Variants in IPPK observed in about 807,000 individuals in gnomAD.
The protein encoded by IPPK is inositol-pentakisphosphate 2-kinase.
In IPPK, 22 loss-of-function variants were observed where a neutral mutation model predicts 64.6. That is an observed-to-expected ratio of 0.34 (90% confidence interval 0.24 to 0.49). The LOEUF is 0.49. Ranked by LOEUF, IPPK falls within the 20% of genes least tolerant of loss-of-function variation. The probability of loss-of-function intolerance (pLI) is 0.99; values close to 1 mark genes in which losing one functional copy is unlikely to be tolerated. For synonymous variants in IPPK, 262 were observed against 247.2 expected (o/e 1.06, Z -0.56); for missense variants, 532 against 630.7 (o/e 0.84, Z 1.68).
At chr9:92,649,850 A>AC (rs1370074191) in intron 4 of IPPK, among the ~76,000 whole-genome samples, 4 of 151,790 alleles carry the variant, frequency 2.6e-5, no homozygotes, top group African/African-American at 9.7e-5. Context: ...ACATAGTGAA[A>AC]CCCCGTCTCT....
intron 12 of IPPK, chr9:92,618,273 T>C (rs964406764): frequency 8.8e-6 from 4 of 456,600 alleles, no homozygotes; most frequent in African/African-American, 8.0e-5. Context: ...AGAAGCCACA[T>C]GGCTCAGTGC....
Position 92,620,647 on chromosome 9 carries a change from G to A in IPPK, c.1171-1082C>T, listed in dbSNP as rs117183079. 6.0e-3 allele frequency: 909 copies of A among 152,268 alleles called. 7 individuals are homozygous for A. Among genetic ancestry groups the A allele is most frequent in the Non-Finnish European group, 0.01 (694 of 68,042 alleles). The allele number at this position is 152,268 out of a possible 1,614,324, so 9.4% of individuals were successfully genotyped here. On this transcript the variant is annotated intron_variant, in intron 11 of 12. Transcript: ENST00000287996. ...ATATAACCTGGAGGATCTGGCGTTC[G>A]AAAACATCCAAGCTGCACTTTCCAA...
chr9:92,626,631 T>C (rs1432190401), intron 11 of IPPK, among the ~76,000 whole-genome samples: 1 of 152,070 alleles, frequency 6.6e-6, no homozygotes, highest in African/African-American at 2.4e-5. Context: ...GTGAATATGA[T>C]AATGGAGAAG....
At chr9:92,656,573 C>T in intron 2 of IPPK, 22 bp from the exon 3 acceptor site, 4 of 1,526,510 alleles carry the variant, frequency 2.6e-6, no homozygotes, top group Non-Finnish European at 3.6e-6. Context: ...AACCACAGGA[C>T]AGCCTTCGTG....
chr9:92,649,550 T>C lies in IPPK; in HGVS notation c.317A>G (p.Asp106Gly). Residue 106 changes from aspartate to glycine, a missense_variant, in exon 5 of 13, where the codon GAT becomes GGT. Physicochemically the swap from Asp to Gly is moderately conservative, Grantham distance 94. Transcript: ENST00000287996. ...RPESRCDKDL[D>G]TLSGYAMCLP... ...GCACATAGCGTAACCACTGAGAGTA[T>C]CCAGGTCCTTGTCACAGCGAGACTC... The C allele has an allele frequency of 6.2e-7, 1 of 1,614,008 alleles. No homozygotes were observed. Among genetic ancestry groups the C allele is most frequent in the South Asian group, 1.1e-5 (1 of 91,060 alleles).
intron 12 of IPPK, chr9:92,619,121 C>A (rs761956373): frequency 1.3e-5 from 3 of 237,538 alleles, no homozygotes; most frequent in Non-Finnish European, 8.4e-6. Flanking sequence ...TGTGGGAGAC[C>A]GAGGAACAAG....
chr9:92,646,884 G>A (rs567938713), intron 6 of IPPK, among the ~76,000 whole-genome samples: 15 of 151,862 alleles, frequency 9.9e-5, no homozygotes, highest in Admixed American at 2.6e-4. Flanking sequence ...ACGAGACTCC[G>A]TCTCAAAAAA....
At position 92,618,457 on chromosome 9, in the gene IPPK, C is replaced by T. The variant is rs147005093; in HGVS notation, c.1250+1029G>A. The T allele has an allele frequency of 2.3e-3, 1,050 of 456,712 alleles. 9 individuals are homozygous for T. Among genetic ancestry groups the T allele is most frequent in the African/African-American group, 0.018 (919 of 50,192 alleles). 28.3% of individuals were successfully genotyped at this position (456,712 alleles called of 1,614,324 possible). A position where few individuals can be genotyped will look rare whatever the true frequency, so the allele number is the denominator to read the frequency against. ...GGTGAGTAACATGTCTGTCCTTCAG[C>T]GGCCTTTCACAGCCCACCTAAGGGC... On this transcript the variant is annotated intron_variant, in intron 12 of 12. Coordinates refer to ENST00000287996, the MANE Select transcript of IPPK (RefSeq NM_022755.6).
At chr9:92,663,620 A>G (rs577074378) in intron 1 of IPPK, among the ~76,000 whole-genome samples, 48 of 152,350 alleles carry the variant, frequency 3.2e-4, no homozygotes, top group Non-Finnish European at 5.1e-4. Flanking sequence ...GAAGGCCACA[A>G]AAACCCCAAT....
chr9:92,648,808 C>T (rs1482642917), intron 5 of IPPK, among the ~76,000 whole-genome samples: 1 of 152,178 alleles, frequency 6.6e-6, no homozygotes. Flanking sequence ...TCCTGAGGGA[C>T]CCTGACAGCC....
At chr9:92,666,006 C>T (rs916921620) in intron 1 of IPPK, among the ~76,000 whole-genome samples, 2 of 152,162 alleles carry the variant, frequency 1.3e-5, no homozygotes, top group African/African-American at 4.8e-5. Flanking sequence ...CAGAAATGAT[C>T]TGAAGCTCTC....
intron 3 of IPPK, among the ~76,000 whole-genome samples, 197 bp downstream of exon 3, chr9:92,656,259 G>A (rs1324224643): frequency 6.6e-6 from 1 of 152,168 alleles, no homozygotes; most frequent in East Asian, 1.9e-4. Context: ...TGGGCCCTCT[G>A]AACCCCATGC....
chr9:92,651,170 G>C (rs955087593), intron 4 of IPPK, among the ~76,000 whole-genome samples: 1 of 152,018 alleles, frequency 6.6e-6, no homozygotes, highest in Non-Finnish European at 1.5e-5. Flanking sequence ...GCCCCAGCCA[G>C]AGACTGCAGA....
At chr9:92,668,951 A>C (rs1239608887) in intron 1 of IPPK, among the ~76,000 whole-genome samples, 1 of 152,212 alleles carries the variant, frequency 6.6e-6, no homozygotes, top group African/African-American at 2.4e-5. Context: ...CAATGCCCTT[A>C]ACCTCTCTGA....
rs1025137863 is a variant in IPPK, at chr9:92,642,624, C to T, written c.563+128G>A. The T allele has an allele frequency of 1.6e-5, 12 of 749,390 alleles. No individual in the cohort carries two copies. In the African/African-American group the frequency reaches 1.7e-4, roughly 11 times the overall value. The allele number at this position is 749,390 out of a possible 1,614,324, so 46.4% of individuals were successfully genotyped here. A position where few individuals can be genotyped will look rare whatever the true frequency, so the allele number is the denominator to read the frequency against. Reference sequence around the variant, plus strand: ...TACAGCGCTGATGGCAAAAGAGAGCCCTGAAGACAGAACAGGGCCTTCCCT... The same window carrying T: ...TACAGCGCTGATGGCAAAAGAGAGCTCTGAAGACAGAACAGGGCCTTCCCT... On this transcript the variant is annotated intron_variant, in intron 7 of 12. Coordinates refer to ENST00000287996, the MANE Select transcript of IPPK (RefSeq NM_022755.6).
intron 7 of IPPK, among the ~76,000 whole-genome samples, chr9:92,641,936 T>C (rs1294949922): frequency 6.6e-6 from 1 of 152,194 alleles, no homozygotes; most frequent in African/African-American, 2.4e-5. Context: ...GGAGCTGTGC[T>C]GATCAAAAAG....
intron 4 of IPPK, among the ~76,000 whole-genome samples, chr9:92,651,127 G>GCCTTT (rs1213314221): frequency 6.6e-6 from 1 of 151,796 alleles, no homozygotes; most frequent in Non-Finnish European, 1.5e-5. Context: ...CGCCTCCCCA[G>GCCTTT]CCTTTCCTGC....
At chr9:92,621,752 A>C (rs1851639376) in intron 11 of IPPK, among the ~76,000 whole-genome samples, 1 of 152,136 alleles carries the variant, frequency 6.6e-6, no homozygotes, top group Non-Finnish European at 1.5e-5. Context: ...CCTGAGCTCA[A>C]GTGATCCTCC....
intron 3 of IPPK, among the ~76,000 whole-genome samples, chr9:92,655,959 C>G (rs1852364433): frequency 6.6e-6 from 1 of 152,156 alleles, no homozygotes; most frequent in South Asian, 2.1e-4. Flanking sequence ...TAGTCCCATT[C>G]CCACAGACCC....
Sources: gnomAD v4.1 joint callset for allele counts (sites outside exome capture counted in the v4.1 genomes callset) on GRCh38, gnomAD v4.1.1 for gene constraint, MANE v1.5 for transcripts, NCBI Gene and HGNC (gene_info 2026-07-23, HGNC 2026-07-21) for gene names.